Variants in SMARCC1 observed in about 807,000 individuals in gnomAD.
SMARCC1 encodes the protein SWI/SNF related BAF chromatin remodeling complex subunit C1, also known as SWI/SNF complex subunit SMARCC1.
Under a neutral mutation model 147.4 loss-of-function variants are expected in SMARCC1, and 43 were observed. The observed-to-expected ratio is 0.29, with a 90% confidence interval of 0.23 to 0.38. The LOEUF (loss-of-function observed/expected upper bound fraction) is 0.38. Among genes scored for constraint, SMARCC1 ranks in the 10% least tolerant of loss-of-function variants. The probability of loss-of-function intolerance (pLI) is 1.00; values close to 1 mark genes in which losing one functional copy is unlikely to be tolerated. For missense variants in SMARCC1, 1,119 were observed against 1,381.1 expected (o/e 0.81, Z 3.01); for synonymous variants, 495 against 484.4 (o/e 1.02, Z -0.29).
chr3:47,616,081 A>AT (rs2032638938), intron 25 of SMARCC1, among the ~76,000 whole-genome samples: 1 of 152,234 alleles, frequency 6.6e-6, no homozygotes, highest in Admixed American at 6.5e-5. Flanking sequence ...TCATAGATCC[A>AT]TTCTCAATGG....
intron 3 of SMARCC1, among the ~76,000 whole-genome samples, chr3:47,745,547 T>C (rs2106840344): frequency 6.6e-6 from 1 of 152,084 alleles, no homozygotes; most frequent in South Asian, 2.1e-4. Context: ...ACCCTATTTC[T>C]ACTAAAAATA....
chr3:47,633,779 T>TACACACACACAC (rs149363143), intron 24 of SMARCC1, among the ~76,000 whole-genome samples: 1,277 of 28,634 alleles, frequency 0.045, 102 homozygotes, highest in Non-Finnish European at 0.063. Context: ...TATATATATA[T>TACACACACACAC]ACACACACAC....
intron 26 of SMARCC1, among the ~76,000 whole-genome samples, chr3:47,600,998 T>TGAGAGAGATAGAGA (rs2032373590): frequency 2.3e-5 from 2 of 85,194 alleles, no homozygotes; most frequent in Admixed American, 1.2e-4. Flanking sequence ...AGGAAGAAAA[T>TGAGAGAGATAGAGA]GAGAGAGAGA....
chr3:47,620,649 CT>C (rs2032717115), intron 25 of SMARCC1, among the ~76,000 whole-genome samples: 1 of 152,016 alleles, frequency 6.6e-6, no homozygotes, highest in South Asian at 2.1e-4. Context: ...GGCCCATGAC[CT>C]TATGTCAAAA....
At chr3:47,706,742 G>A (rs998763400) in intron 9 of SMARCC1, among the ~76,000 whole-genome samples, 4 of 152,000 alleles carry the variant, frequency 2.6e-5, no homozygotes, top group African/African-American at 4.8e-5. Context: ...TGGAAATATC[G>A]GCTATCAGTT....
rs1189092248 is a variant in SMARCC1, at chr3:47,587,006, C to T, written c.*1203G>A. ...GTGAGTTCCTTGTTACCCTCAGCAT[C>T]TCTTTGAAAACCCTGTGATAGATGG... On this transcript the variant is annotated 3_prime_UTR_variant, in exon 28 of 28. Transcript: ENST00000254480. 1 of 152,572 alleles carries T rather than the reference C, an allele frequency of 6.6e-6. No individual in the cohort carries two copies. Among genetic ancestry groups the T allele is most frequent in the Non-Finnish European group, 1.5e-5 (1 of 68,032 alleles). 9.5% of individuals were successfully genotyped at this position (152,572 alleles called of 1,614,324 possible). A position where few individuals can be genotyped will look rare whatever the true frequency, so the allele number is the denominator to read the frequency against.
At chr3:47,636,246 T>C (rs2106703444) in intron 22 of SMARCC1, 110 bp from the exon 23 acceptor site, 4 of 632,428 alleles carry the variant, frequency 6.3e-6, no homozygotes, top group Admixed American at 2.9e-5. Flanking sequence ...TGGCAAGAAA[T>C]AGACTAGATT....
intron 24 of SMARCC1, among the ~76,000 whole-genome samples, chr3:47,627,525 C>T (rs1427586749): frequency 6.6e-6 from 1 of 152,092 alleles, no homozygotes; most frequent in Non-Finnish European, 1.5e-5. Flanking sequence ...TCTCTGGTTC[C>T]TTCCAGCAAG....
At chr3:47,689,564 A>G in intron 12 of SMARCC1, 140 bp from the exon 13 acceptor site, 1 of 681,732 alleles carries the variant, frequency 1.5e-6, no homozygotes, top group South Asian at 1.7e-5. Flanking sequence ...ATCACTCTGA[A>G]TAATTCACTA....
In SMARCC1 at chr3:47,600,355, T is replaced by C. The variant is rs555909099; in HGVS notation, c.3044-9518A>G. On this transcript the variant is annotated intron_variant, in intron 26 of 27. Transcript: ENST00000254480. Reference sequence around the variant, plus strand: ...TGTCAGATGCTAAGCAACTCAGCACTGGTGTACCTGGGGCAGTGGGTTTAG... The same window carrying C: ...TGTCAGATGCTAAGCAACTCAGCACCGGTGTACCTGGGGCAGTGGGTTTAG... Among the ~76,000 whole-genome samples, 5 of 152,292 alleles carry C rather than the reference T, an allele frequency of 3.3e-5. No homozygotes were observed. The South Asian group carries it at 8.3e-4, about 25-fold the overall frequency.
intron 5 of SMARCC1, among the ~76,000 whole-genome samples, chr3:47,730,004 C>T (rs1243311481): frequency 1.3e-5 from 2 of 151,976 alleles, no homozygotes; most frequent in East Asian, 1.9e-4. Context: ...CACGGTGAAA[C>T]CCCATCTCTA....
At chr3:47,737,109 C>A (rs1028887412) in intron 4 of SMARCC1, among the ~76,000 whole-genome samples, 1 of 152,074 alleles carries the variant, frequency 6.6e-6, no homozygotes, top group African/African-American at 2.4e-5. Context: ...AAAATGAAGG[C>A]AGGCCGGACT....
intron 14 of SMARCC1, among the ~76,000 whole-genome samples, chr3:47,683,066 G>A (rs1460798469): frequency 6.6e-6 from 1 of 152,158 alleles, no homozygotes; most frequent in Non-Finnish European, 1.5e-5. Flanking sequence ...GTTTTGAGAC[G>A]GAGTCTCGCT....
At chr3:47,624,510 T>C (rs2032779375) in intron 24 of SMARCC1, among the ~76,000 whole-genome samples, 1 of 152,162 alleles carries the variant, frequency 6.6e-6, no homozygotes, top group African/African-American at 2.4e-5. Context: ...GCAAAATGCC[T>C]TTCAACTCTG....
At chr3:47,759,059 C>T (rs2034739725) in intron 2 of SMARCC1, among the ~76,000 whole-genome samples, 1 of 151,830 alleles carries the variant, frequency 6.6e-6, no homozygotes, top group African/African-American at 2.4e-5. Flanking sequence ...TTCATCCAGG[C>T]CATAGTGCAG....
At chr3:47,651,750 A>C (rs979015249) in intron 21 of SMARCC1, among the ~76,000 whole-genome samples, 1 of 152,178 alleles carries the variant, frequency 6.6e-6, no homozygotes, top group Non-Finnish European at 1.5e-5. Flanking sequence ...TATACACGTT[A>C]AGTTTTACTT....
At position 47,781,626 on chromosome 3, in the gene SMARCC1, A is replaced by C; in HGVS notation, c.172T>G (p.Trp58Gly). Residue 58 changes from tryptophan (W) to glycine (G), a missense_variant, in exon 1 of 28, where the codon TGG becomes GGG. Physicochemically the swap from Trp to Gly is radical, Grantham distance 184. Coordinates refer to ENST00000254480, the MANE Select transcript of SMARCC1 (RefSeq NM_003074.4). ...TVSQLDSVRV[W>G]LGKHYKKYVH... ...ACCTTCTTGTAGTGCTTGCCCAGCC[A>C]GACCCGCACCGAATCCAGCTGGGAC... is the stretch of plus-strand genomic sequence containing the variant. 5 of 1,550,438 alleles carry C rather than the reference A, an allele frequency of 3.2e-6. No homozygotes were observed. Among genetic ancestry groups the C allele is most frequent in the Non-Finnish European group, 4.3e-6 (5 of 1,152,256 alleles).
intron 17 of SMARCC1, 39 bp from the exon 18 acceptor site, chr3:47,675,627 T>C (rs1203998303): frequency 8.9e-7 from 1 of 1,123,848 alleles, no homozygotes; most frequent in Admixed American, 1.7e-5. Context: ...GTTAGCCTCT[T>C]TAAAGTCAAG....
At chr3:47,706,130 T>G (rs531413860) in intron 10 of SMARCC1, among the ~76,000 whole-genome samples, 211 of 152,212 alleles carry the variant, frequency 1.4e-3, no homozygotes, top group Admixed American at 2.8e-3. Context: ...CCAGTCATGC[T>G]TCTCAATACA....
Sources: allele counts gnomAD v4.1 joint callset (sites outside exome capture counted in the v4.1 genomes callset), GRCh38; gene constraint gnomAD v4.1.1; transcripts MANE v1.5; gene names NCBI Gene and HGNC (gene_info 2026-07-23, HGNC 2026-07-21).